SPCS2: variants seen among roughly 807,000 people sequenced by gnomAD.
SPCS2 encodes the protein SPase 25 kDa subunit.
A neutral mutation model predicts 22.3 loss-of-function variants in SPCS2; 3 were observed. That is an observed-to-expected ratio of 0.13 (90% CI 0.06 to 0.35). The LOEUF (loss-of-function observed/expected upper bound fraction) is 0.35, where lower values mean the gene tolerates loss of function less well. SPCS2 is among the 10% of genes least tolerant of loss of function. The pLI, the probability that SPCS2 is intolerant of heterozygous loss-of-function variation, is 1.00. For synonymous variants in SPCS2, 67 were observed against 97.2 expected (o/e 0.69, Z 1.83); for missense variants, 169 against 280.9 (o/e 0.60, Z 2.85).
At chr11:74,956,730 C>G (rs1284366386) in intron 1 of SPCS2, among the ~76,000 whole-genome samples, 2 of 152,122 alleles carry the variant, frequency 1.3e-5, no homozygotes, top group Non-Finnish European at 2.9e-5. Context: ...TCTCAGTTAG[C>G]TAAACTCCAA....
At chr11:74,975,836 C>G (rs754319048) in intron 4 of SPCS2, among the ~76,000 whole-genome samples, 1 of 152,146 alleles carries the variant, frequency 6.6e-6, no homozygotes, top group African/African-American at 2.4e-5. Context: ...AATAGAGCCT[C>G]AAGAAACTGC....
chr11:74,950,534 G>C (rs1199804911), intron 1 of SPCS2, among the ~76,000 whole-genome samples: 1 of 152,138 alleles, frequency 6.6e-6, no homozygotes, highest in Non-Finnish European at 1.5e-5. Context: ...AGTGTCATTG[G>C]TTTTGAAAGA....
At chr11:74,965,694 A>G in intron 2 of SPCS2, 69 bp from the exon 3 acceptor site, 1 of 1,335,034 alleles carries the variant, frequency 7.5e-7, no homozygotes, top group Non-Finnish European at 1.0e-6. Context: ...TATCATGGAA[A>G]TCAAGAATAA....
chr11:74,967,478 C>A (rs542741986), intron 3 of SPCS2, among the ~76,000 whole-genome samples: 2 of 152,226 alleles, frequency 1.3e-5, no homozygotes, highest in Middle Eastern at 6.8e-3. Context: ...TGCTGGGCAT[C>A]GTGGCTCATG....
intron 3 of SPCS2, among the ~76,000 whole-genome samples, chr11:74,966,471 T>G (rs1948546607): frequency 6.6e-6 from 1 of 152,240 alleles, no homozygotes; most frequent in South Asian, 2.1e-4. Context: ...CTTGTGCTAA[T>G]GAAAATTTAC....
intron 1 of SPCS2, among the ~76,000 whole-genome samples, chr11:74,964,792 C>A (rs1429145812): frequency 6.6e-6 from 1 of 152,292 alleles, no homozygotes; most frequent in Admixed American, 6.5e-5. Flanking sequence ...CTCTAGTGAC[C>A]TAGTCTCTTT....
intron 4 of SPCS2, among the ~76,000 whole-genome samples, chr11:74,971,194 T>A (rs1290405811): frequency 6.6e-6 from 1 of 152,278 alleles, no homozygotes; most frequent in Non-Finnish European, 1.5e-5. Context: ...TGTTGTAGCA[T>A]GTATCAGTAC....
chr11:74,971,872 C>T (rs574719744), intron 4 of SPCS2, among the ~76,000 whole-genome samples: 55 of 152,310 alleles, frequency 3.6e-4, no homozygotes, highest in African/African-American at 1.3e-3. Flanking sequence ...AATACATTCT[C>T]TTACTCTGGC....
intron 1 of SPCS2, among the ~76,000 whole-genome samples, chr11:74,964,166 G>A (rs563657294): frequency 3.3e-5 from 5 of 152,306 alleles, no homozygotes; most frequent in Admixed American, 3.3e-4. Flanking sequence ...AGACAATGCT[G>A]CAGTGAGTAG....
intron 1 of SPCS2, among the ~76,000 whole-genome samples, chr11:74,952,387 A>G (rs1434122876): frequency 6.6e-6 from 1 of 152,226 alleles, no homozygotes; most frequent in East Asian, 1.9e-4. Context: ...ACATTCATAC[A>G]TATTATAGGC....
intron 1 of SPCS2, among the ~76,000 whole-genome samples, chr11:74,962,580 C>G (rs1220954394): frequency 6.6e-6 from 1 of 151,284 alleles, no homozygotes; most frequent in South Asian, 2.1e-4. Context: ...TTTAAAATAC[C>G]CGAATTAGTA....
intron 1 of SPCS2, among the ~76,000 whole-genome samples, chr11:74,959,543 C>G (rs1209016749): frequency 6.6e-6 from 1 of 152,158 alleles, no homozygotes; most frequent in Admixed American, 6.5e-5. Flanking sequence ...TAGGTGGGCA[C>G]CACCACACCT....
At chr11:74,949,461 CCT>C in intron 1 of SPCS2, 62 bp downstream of exon 1, 1 of 1,366,542 alleles carries the variant, frequency 7.3e-7, no homozygotes, top group Non-Finnish European at 1.0e-6. Flanking sequence ...GGCGAGCCAA[CCT>C]TCCCATCCCG....
chr11:74,951,532 C>T (rs1455920368), intron 1 of SPCS2, among the ~76,000 whole-genome samples: 3 of 151,984 alleles, frequency 2.0e-5, no homozygotes, highest in East Asian at 3.9e-4. Context: ...GAGCCTCGGC[C>T]GGGCGCAGTG....
At chr11:74,950,868 A>G (rs1395710178) in intron 1 of SPCS2, among the ~76,000 whole-genome samples, 1 of 152,178 alleles carries the variant, frequency 6.6e-6, no homozygotes, top group Non-Finnish European at 1.5e-5. Context: ...ACCTTAAGAT[A>G]CAGAAACATA....
At chr11:74,960,391 G>T (rs1449725747) in intron 1 of SPCS2, among the ~76,000 whole-genome samples, 1 of 151,916 alleles carries the variant, frequency 6.6e-6, no homozygotes, top group Non-Finnish European at 1.5e-5. Flanking sequence ...CTTTAAGATA[G>T]TACTTTTTGA....
intron 4 of SPCS2, among the ~76,000 whole-genome samples, chr11:74,975,181 C>A (rs1460282158): frequency 6.6e-6 from 1 of 152,086 alleles, no homozygotes; most frequent in African/African-American, 2.4e-5. Context: ...CATTAGGCCC[C>A]TTTCTGTTCT....
intron 3 of SPCS2, among the ~76,000 whole-genome samples, chr11:74,968,526 T>G (rs1482600391): frequency 6.7e-6 from 1 of 150,092 alleles, no homozygotes. Flanking sequence ...TTGTTTTTTT[T>G]TTTTTTTGAG....
At chr11:74,967,657 A>G (rs1948555061) in intron 3 of SPCS2, among the ~76,000 whole-genome samples, 1 of 152,222 alleles carries the variant, frequency 6.6e-6, no homozygotes, top group Non-Finnish European at 1.5e-5. Flanking sequence ...GCTGAGGCAC[A>G]AGAATCACTT....
Sources: gnomAD v4.1 joint callset for allele counts (sites outside exome capture counted in the v4.1 genomes callset) on GRCh38, gnomAD v4.1.1 for gene constraint, MANE v1.5 for transcripts, NCBI Gene and HGNC (gene_info 2026-07-23, HGNC 2026-07-21) for gene names.